EPB41L2: variants seen among roughly 807,000 people sequenced by gnomAD.
EPB41L2 encodes band 4.1-like protein 2.
Under a neutral mutation model 113.0 loss-of-function variants are expected in EPB41L2, and 43 were observed. The ratio of observed to expected loss-of-function variants is 0.38; its 90% CI spans 0.30 to 0.49. The LOEUF (loss-of-function observed/expected upper bound fraction) is 0.49, where lower values mean the gene tolerates loss of function less well. EPB41L2 is among the 20% of genes least tolerant of loss of function. The pLI is 0.95. For synonymous variants in EPB41L2, 442 were observed against 436.7 expected (o/e 1.01, Z -0.15); for missense variants, 1,147 against 1,223.4 (o/e 0.94, Z 0.93).
intron 1 of EPB41L2, among the ~76,000 whole-genome samples, chr6:130,989,500 G>A (rs1214782352): frequency 1.3e-5 from 2 of 152,116 alleles, no homozygotes; most frequent in Admixed American, 6.5e-5. Flanking sequence ...AAAGAACTGC[G>A]GGAGAGTTGA....
chr6:130,883,828 C>A (rs1389861816), intron 12 of EPB41L2, among the ~76,000 whole-genome samples: 3 of 152,112 alleles, frequency 2.0e-5, no homozygotes, highest in Non-Finnish European at 4.4e-5. Context: ...AATTCTTTAA[C>A]GATGGAATGT....
chr6:130,899,673 A>C, intron 7 of EPB41L2, 95 bp from the exon 8 acceptor site: 2 of 1,175,690 alleles, frequency 1.7e-6, no homozygotes, highest in South Asian at 2.7e-5. Context: ...GGTTTGGAGG[A>C]GAGAAAGTTA....
intron 1 of EPB41L2, among the ~76,000 whole-genome samples, chr6:131,030,807 G>A (rs1791999087): frequency 6.6e-6 from 1 of 152,014 alleles, no homozygotes; most frequent in South Asian, 2.1e-4. Flanking sequence ...GGCATGGTGT[G>A]TCTCACGCCT....
chr6:130,933,755 T>C (rs921557048), intron 3 of EPB41L2, among the ~76,000 whole-genome samples: 1 of 152,210 alleles, frequency 6.6e-6, no homozygotes. Flanking sequence ...AAGTCCCCCA[T>C]GCCTGTGCTG....
At chr6:130,869,036 G>T (rs10457563) in intron 15 of EPB41L2, 17,903 of 156,224 alleles carry the variant, frequency 0.11, 1,287 homozygotes, top group South Asian at 0.2. Context: ...ATCACTGCTG[G>T]ATACTGCATT....
At chr6:130,951,893 G>A (rs1815250068) in intron 3 of EPB41L2, among the ~76,000 whole-genome samples, 1 of 151,978 alleles carries the variant, frequency 6.6e-6, no homozygotes, top group African/African-American at 2.4e-5. Flanking sequence ...GCATATCCCA[G>A]GTAGAGGCTA....
chr6:130,989,773 T>C (rs1307804031), intron 1 of EPB41L2, among the ~76,000 whole-genome samples: 1 of 152,158 alleles, frequency 6.6e-6, no homozygotes, highest in East Asian at 1.9e-4. Flanking sequence ...AGTATCTGAA[T>C]AGGGAAAGTG....
At chr6:130,934,910 G>A (rs1338487524) in intron 3 of EPB41L2, among the ~76,000 whole-genome samples, 4 of 148,804 alleles carry the variant, frequency 2.7e-5, no homozygotes, top group Admixed American at 6.8e-5. Flanking sequence ...AGAGATTTAC[G>A]TAAACATGTT....
chr6:130,962,031 T>G (rs1187020058), intron 1 of EPB41L2, among the ~76,000 whole-genome samples: 2 of 152,188 alleles, frequency 1.3e-5, no homozygotes, highest in Non-Finnish European at 2.9e-5. Flanking sequence ...GTAGAGGATA[T>G]GTAGAGCATC....
chr6:130,894,417 C>T lies in EPB41L2; in HGVS notation c.1414G>A (p.Gly472Arg). Residue 472 changes from glycine to arginine, a missense_variant, in exon 10 of 20, where the codon GGA becomes AGA. By Grantham distance (125) the Gly-to-Arg change is moderately radical. Transcript: ENST00000337057. ...GCCCGGTGGTTTGGCAGTTTGAATC[C>T]AATGGTACTCTCAAACTGTTCCAGC... Reference protein sequence around the residue: ...AELEQFESTIGFKLPNHRAAK... With the variant: ...AELEQFESTIRFKLPNHRAAK... The T allele has an allele frequency of 1.2e-6, 2 of 1,613,820 alleles. No homozygotes were observed. Among genetic ancestry groups the T allele is most frequent in the Non-Finnish European group, 1.7e-6 (2 of 1,179,810 alleles).
intron 1 of EPB41L2, among the ~76,000 whole-genome samples, chr6:131,020,010 C>T (rs745329721): frequency 3.9e-5 from 6 of 152,058 alleles, no homozygotes; most frequent in African/African-American, 9.7e-5. Context: ...AACATGGTTA[C>T]TAATTTCCAA....
intron 4 of EPB41L2, among the ~76,000 whole-genome samples, chr6:130,922,625 GTA>G (rs1307404937): frequency 6.6e-6 from 1 of 152,076 alleles, no homozygotes; most frequent in East Asian, 1.9e-4. Flanking sequence ...GTAGTTAATA[GTA>G]CCTACCTTTT....
chr6:131,048,267 T>C (rs978448467), intron 1 of EPB41L2, among the ~76,000 whole-genome samples: 1 of 151,706 alleles, frequency 6.6e-6, no homozygotes, highest in Non-Finnish European at 1.5e-5. Flanking sequence ...CTTGAGAACA[T>C]ACTAGAATTT....
chr6:130,986,604 A>C (rs1780614864), intron 1 of EPB41L2, among the ~76,000 whole-genome samples: 1 of 150,110 alleles, frequency 6.7e-6, no homozygotes, highest in African/African-American at 2.5e-5. Context: ...TTTTTTTGAG[A>C]TGGAGTCTTG....
chr6:130,970,317 A>G (rs541100715), intron 1 of EPB41L2: 2 of 152,312 alleles, frequency 1.3e-5, no homozygotes, highest in African/African-American at 4.8e-5. Flanking sequence ...GCTGTCTGCT[A>G]TTTCCTGTCA....
chr6:130,899,440 A>T (rs746320044), intron 8 of EPB41L2, 51 bp downstream of exon 8: 1 of 1,486,390 alleles, frequency 6.7e-7, no homozygotes, highest in Non-Finnish European at 9.4e-7. Context: ...CCCTCTCAAA[A>T]CCTCAGTCAA....
chr6:130,935,706 C>A (rs1385059086), intron 3 of EPB41L2, among the ~76,000 whole-genome samples: 1 of 152,166 alleles, frequency 6.6e-6, no homozygotes, highest in East Asian at 1.9e-4. Flanking sequence ...CATAACTACA[C>A]ACGAATTTAT....
chr6:131,012,245 G>T (rs1032847028), intron 1 of EPB41L2, among the ~76,000 whole-genome samples: 1 of 151,006 alleles, frequency 6.6e-6, no homozygotes, highest in Non-Finnish European at 1.5e-5. Flanking sequence ...GAGTTGTTTT[G>T]TTATGAAAAA....
chr6:130,867,958 ACACACACACACACACTCT>A lies in EPB41L2; in HGVS notation c.2608-395_2608-378del. ...TAGTGACACACACACACACACACAC[ACACACACACACACACTCT>A]CTCTCTCTCTCTCTCTCTCTCTCCT... On this transcript the variant is annotated intron_variant, in intron 15 of 19. Transcript: ENST00000337057. 16 of 162,894 alleles carry A rather than the reference ACACACACACACACACTCT, an allele frequency of 9.8e-5. No homozygotes were observed. In the East Asian group the frequency reaches 3.2e-3, roughly 33 times the overall value. The allele number at this position is 162,894 out of a possible 1,614,324, so 10.1% of individuals were successfully genotyped here. A position where few individuals can be genotyped will look rare whatever the true frequency, so the allele number is the denominator to read the frequency against.
Sources: allele counts gnomAD v4.1 joint callset (sites outside exome capture counted in the v4.1 genomes callset), GRCh38; gene constraint gnomAD v4.1.1; transcripts MANE v1.5; gene names NCBI Gene and HGNC (gene_info 2026-07-23, HGNC 2026-07-21).